The following MAP2K5 variants were observed in gnomAD, a reference collection of about 807,000 sequenced individuals.
The protein encoded by MAP2K5 is mitogen-activated protein kinase kinase 5, also known as dual specificity mitogen-activated protein kinase kinase 5.
A neutral mutation model predicts 83.1 loss-of-function variants in MAP2K5; 49 were observed. The ratio of observed to expected loss-of-function variants is 0.59; its 90% CI spans 0.47 to 0.75. The LOEUF (loss-of-function observed/expected upper bound fraction) is 0.75, where lower values mean the gene tolerates loss of function less well. MAP2K5 is among the 30% of genes least tolerant of loss of function. MAP2K5 has a pLI of 0.00. For synonymous variants in MAP2K5, 202 were observed against 191.8 expected (o/e 1.05, Z -0.44); for missense variants, 457 against 557.5 (o/e 0.82, Z 1.82).
At chr15:67,693,423 A>G (rs2088165502) in intron 14 of MAP2K5, 95 bp from the exon 15 acceptor site, 1 of 944,854 alleles carries the variant, frequency 1.1e-6, no homozygotes, top group Non-Finnish European at 1.7e-6. Flanking sequence ...TAGTTGATTT[A>G]TATGAATGAT....
At chr15:67,697,974 C>T (rs1233961220) in intron 15 of MAP2K5, among the ~76,000 whole-genome samples, 1 of 152,154 alleles carries the variant, frequency 6.6e-6, no homozygotes, top group Non-Finnish European at 1.5e-5. Context: ...CCAACCTCCC[C>T]ATTGACCAGT....
At chr15:67,735,008 T>C (rs1409551270) in intron 17 of MAP2K5, among the ~76,000 whole-genome samples, 1 of 152,206 alleles carries the variant, frequency 6.6e-6, no homozygotes, top group Non-Finnish European at 1.5e-5. Context: ...ATTTAAAATA[T>C]CCTGATATTT....
Position 67,664,664 on chromosome 15 carries a change from A to G in MAP2K5, c.847+19A>G. ...CATAGAGGTATGTGCTGGGCTTATA[A>G]GCTTGGATTTAATTTGGGGTGGGGT... On this transcript the variant is annotated intron_variant, in intron 13 of 21. Coordinates refer to ENST00000178640, the MANE Select transcript of MAP2K5 (RefSeq NM_145160.3). 1 of 1,582,774 alleles carries G rather than the reference A, an allele frequency of 6.3e-7. No homozygotes were observed. The highest frequency in any genetic ancestry group is 8.7e-7 in the Non-Finnish European group (1 of 1,153,908).
chr15:67,646,046 C>G (rs2141118613), intron 9 of MAP2K5, among the ~76,000 whole-genome samples, 185 bp from the exon 10 acceptor site: 1 of 152,212 alleles, frequency 6.6e-6, no homozygotes, highest in East Asian at 1.9e-4. Flanking sequence ...CCACCTCCCC[C>G]AGTATAGAAG....
chr15:67,642,474 T>A, intron 9 of MAP2K5: 1 of 1,594,510 alleles, frequency 6.3e-7, no homozygotes, highest in Non-Finnish European at 8.6e-7. Context: ...GAGCTAGAGA[T>A]GAATTTTGAT....
At chr15:67,647,459 T>G (rs2086853605) in intron 11 of MAP2K5, among the ~76,000 whole-genome samples, 1 of 152,214 alleles carries the variant, frequency 6.6e-6, no homozygotes, top group African/African-American at 2.4e-5. Context: ...CAAACATTTT[T>G]GTTGAAACAG....
intron 20 of MAP2K5, among the ~76,000 whole-genome samples, chr15:67,771,282 G>A (rs1566958987): frequency 6.6e-6 from 1 of 152,162 alleles, no homozygotes; most frequent in Non-Finnish European, 1.5e-5. Context: ...TGGAGCGCCT[G>A]GTTTGGGCAT....
chr15:67,783,334 A>T lies in MAP2K5; in HGVS notation c.1242+10582A>T, dbSNP rs1037567000. On this transcript the variant is annotated intron_variant, in intron 21 of 21. Transcript: ENST00000178640. This position sits in a 1 kb window ranked among gnomAD's most constrained non-coding sequence, Gnocchi z 5.1. Reference sequence around the variant, plus strand: ...TCCTCCCACCCTCACCTACCCCTTCACCTCAGGCCACTCCTGTGGAGTCCT... The same window carrying T: ...TCCTCCCACCCTCACCTACCCCTTCTCCTCAGGCCACTCCTGTGGAGTCCT... 2.6e-5 allele frequency among the ~76,000 whole-genome samples: 4 copies of T among 151,882 alleles called. No individual in the cohort carries two copies. Among genetic ancestry groups the T allele is most frequent in the Non-Finnish European group, 5.9e-5 (4 of 67,948 alleles).
At chr15:67,688,547 T>A (rs2088016643) in intron 13 of MAP2K5, among the ~76,000 whole-genome samples, 1 of 152,226 alleles carries the variant, frequency 6.6e-6, no homozygotes, top group African/African-American at 2.4e-5. Context: ...TTTACCCAAA[T>A]ACAGCTTTAA....
chr15:67,629,053 A>G, intron 8 of MAP2K5: 3 of 746,638 alleles, frequency 4.0e-6, no homozygotes, highest in South Asian at 2.7e-5. Flanking sequence ...GGTGGAGGCC[A>G]ATACTTTGCC....
At chr15:67,657,875 C>T (rs1454569119) in intron 11 of MAP2K5, among the ~76,000 whole-genome samples, 1 of 151,994 alleles carries the variant, frequency 6.6e-6, no homozygotes, top group East Asian at 1.9e-4. Flanking sequence ...TTCACATTTG[C>T]ATTTCGGAAG....
At chr15:67,715,934 C>T (rs1412487849) in intron 16 of MAP2K5, among the ~76,000 whole-genome samples, 3 of 152,178 alleles carry the variant, frequency 2.0e-5, no homozygotes, top group Admixed American at 1.3e-4. Flanking sequence ...CCTGGGGACA[C>T]ATAAGTAGGG....
In MAP2K5 at chr15:67,722,901, G is replaced by C. The variant is rs11639267; in HGVS notation, c.1045-5015G>C. 0.14 allele frequency among the ~76,000 whole-genome samples: 21,868 copies of C among 152,124 alleles called. 1,657 individuals are homozygous for C. Among genetic ancestry groups the C allele is most frequent in the East Asian group, 0.22 (1,161 of 5,182 alleles). On this transcript the variant is annotated intron_variant, in intron 16 of 21. Coordinates refer to ENST00000178640, the MANE Select transcript of MAP2K5 (RefSeq NM_145160.3). The surrounding 1 kb of genome is among the most constrained non-coding windows in gnomAD (Gnocchi z 4.2). ...AGACTATAAAGTTGTCATTCAGCTAGATCACTGGCTATATTGAAAATGCTT... is the reference window on the plus strand; with the variant it reads ...AGACTATAAAGTTGTCATTCAGCTACATCACTGGCTATATTGAAAATGCTT...
At chr15:67,615,907 A>T (rs1449407641) in intron 8 of MAP2K5, among the ~76,000 whole-genome samples, 1 of 152,164 alleles carries the variant, frequency 6.6e-6, no homozygotes, top group East Asian at 1.9e-4. Context: ...TATTGGCTTC[A>T]GAGTTGTTCA....
At chr15:67,602,504 A>G (rs1361199278) in intron 8 of MAP2K5, among the ~76,000 whole-genome samples, 1 of 152,202 alleles carries the variant, frequency 6.6e-6, no homozygotes, top group Non-Finnish European at 1.5e-5. Flanking sequence ...TTAGTTTTAT[A>G]TTAATTGAAG....
intron 16 of MAP2K5, among the ~76,000 whole-genome samples, chr15:67,714,866 G>A (rs1032494073): frequency 2.6e-5 from 4 of 152,028 alleles, no homozygotes; most frequent in African/African-American, 7.2e-5. Flanking sequence ...TTCAAAATCC[G>A]AAAAAGGCCA....
intron 11 of MAP2K5, among the ~76,000 whole-genome samples, chr15:67,657,130 T>TA (rs1475945897): frequency 6.6e-6 from 1 of 152,194 alleles, no homozygotes; most frequent in Admixed American, 6.5e-5. Context: ...ACCTCAAAAT[T>TA]AGATTCCTTT....
chr15:67,703,918 A>G (rs1332371466), intron 16 of MAP2K5, among the ~76,000 whole-genome samples: 1 of 152,166 alleles, frequency 6.6e-6, no homozygotes, highest in Non-Finnish European at 1.5e-5. Flanking sequence ...TCATTCCAGT[A>G]TAGTCTTATC....
At chr15:67,648,692 C>G (rs918560347) in intron 11 of MAP2K5, among the ~76,000 whole-genome samples, 2 of 151,962 alleles carry the variant, frequency 1.3e-5, no homozygotes, top group African/African-American at 4.8e-5. Context: ...TCAAGCGATT[C>G]TCCTGCCTCA....
Sources: allele counts gnomAD v4.1 joint callset (sites outside exome capture counted in the v4.1 genomes callset), GRCh38; gene constraint gnomAD v4.1.1; non-coding constraint Gnocchi (gnomAD v3.1); transcripts MANE v1.5; gene names NCBI Gene and HGNC (gene_info 2026-07-23, HGNC 2026-07-21).